Variants in XRCC1 observed in about 807,000 individuals in gnomAD.
The protein encoded by XRCC1 is DNA repair protein XRCC1.
XRCC1 carries 52 observed loss-of-function variants against 83.3 expected under a neutral mutation model. The observed-to-expected ratio is 0.62, with a 90% CI of 0.50 to 0.79. The LOEUF is 0.79. XRCC1 is among the 30% of genes least tolerant of loss of function. The pLI is 0.00. For missense variants in XRCC1, 793 were observed against 823.5 expected (o/e 0.96, Z 0.45); for synonymous variants, 281 against 312.6 (o/e 0.90, Z 1.07).
intron 10 of XRCC1, among the ~76,000 whole-genome samples, chr19:43,548,520 A>G (rs1048272299): frequency 8.2e-6 from 1 of 122,146 alleles, no homozygotes; most frequent in Non-Finnish European, 1.8e-5. Flanking sequence ...ACTCAGGGTT[A>G]AATGGATTAA....
At chr19:43,560,516 G>C (rs527610547) in intron 3 of XRCC1, among the ~76,000 whole-genome samples, 1 of 152,256 alleles carries the variant, frequency 6.6e-6, no homozygotes, top group African/African-American at 2.4e-5. Context: ...TGAAGGAAGG[G>C]TCACAAGCTG....
chr19:43,561,099 T>C, intron 2 of XRCC1, 79 bp from the exon 3 acceptor site: 2 of 1,138,136 alleles, frequency 1.8e-6, no homozygotes, highest in East Asian at 4.7e-5. Context: ...TGAATCTCCT[T>C]TGGATCACCA....
rs1254892297 is a variant in XRCC1, at chr19:43,552,815, C to G, written c.805G>C (p.Val269Leu). 3 of 1,610,286 alleles carry G rather than the reference C, an allele frequency of 1.9e-6. No individual in the cohort carries two copies. The highest frequency in any genetic ancestry group is 2.5e-6 in the Non-Finnish European group (3 of 1,178,542). ...SKPPAQLSPS[V>L]PKRPKLPAPT... ...AGCTCACATTTAGGTCTCTTGGGAA[C>G]AGATGGCGACAGCTGGGCTGGTGGT... Residue 269 changes from valine (V) to leucine (L), a missense_variant, in exon 8 of 17, where the codon GTT (valine) becomes CTT (leucine). By Grantham distance (32) the Val-to-Leu change is conservative. Transcript: ENST00000262887.
chr19:43,548,097 C>G (rs13344947), intron 10 of XRCC1, among the ~76,000 whole-genome samples: 3,026 of 50,638 alleles, frequency 0.06, no homozygotes, highest in African/African-American at 0.075. Flanking sequence ...CCGCCCCATC[C>G]GGGAGGGAGG....
At chr19:43,549,884 T>C (rs899996586) in intron 10 of XRCC1, among the ~76,000 whole-genome samples, 13 of 152,178 alleles carry the variant, frequency 8.5e-5, no homozygotes, top group Non-Finnish European at 1.8e-4. Flanking sequence ...ACACTGTTTG[T>C]CTTTTTCCCT....
Position 43,551,762 on chromosome 19 carries a change from G to C in XRCC1, c.1083-75C>G, listed in dbSNP as rs935284344. 8 of 1,183,740 alleles carry C rather than the reference G, an allele frequency of 6.8e-6. No homozygotes were observed. In the East Asian group the frequency reaches 1.9e-4, roughly 28 times the overall value. 73.3% of individuals were successfully genotyped at this position (1,183,740 alleles called of 1,614,324 possible). A position where few individuals can be genotyped will look rare whatever the true frequency, so the allele number is the denominator to read the frequency against. ...AAAGGGGAACGAGACAGGGGAGACA[G>C]ACAGAGAGAGAGAGAGACAGACAGA... On this transcript the variant is annotated intron_variant, in intron 9 of 16. Transcript: ENST00000262887.
chr19:43,572,631 G>A (rs1160058209), intron 2 of XRCC1, among the ~76,000 whole-genome samples: 1 of 152,172 alleles, frequency 6.6e-6, no homozygotes, highest in African/African-American at 2.4e-5. Context: ...CCTGAGGTCA[G>A]GAGTTCAAGA....
At position 43,546,923 on chromosome 19, in the gene XRCC1, G is replaced by A. The variant is rs2293035; in HGVS notation, c.1254C>T (p.Ser418=). 3.1e-4 allele frequency: 508 copies of A among 1,613,958 alleles called. 3 individuals are homozygous for A. In the East Asian group the frequency reaches 8.7e-3, roughly 28 times the overall value. The change falls in exon 11 of 17, where the codon AGC becomes AGT. Residue 418 remains serine, a synonymous_variant. Coordinates refer to ENST00000262887, the MANE Select transcript of XRCC1 (RefSeq NM_006297.3). ...TGGGGGCTTCATCTCCGCTGCCACCGCTGTGAGAGGCCTCATCCTCCTCAC... is the reference window on the plus strand; with the variant it reads ...TGGGGGCTTCATCTCCGCTGCCACCACTGTGAGAGGCCTCATCCTCCTCAC... The part of the protein sequence containing the change: ...SSSEEDEASH[S]GGSGDEAPKL...
intron 6 of XRCC1, 106 bp downstream of exon 6, chr19:43,553,295 C>G (rs1568514058): frequency 4.5e-6 from 6 of 1,347,324 alleles, no homozygotes; most frequent in East Asian, 2.4e-5. Context: ...CTCCACTACC[C>G]TCCTCCCTCA....
At chr19:43,551,768 G>T (rs201887346) in intron 9 of XRCC1, 81 bp from the exon 10 acceptor site, 1 of 1,131,104 alleles carries the variant, frequency 8.8e-7, no homozygotes, top group Non-Finnish European at 1.3e-6. Flanking sequence ...GACAGACAGA[G>T]AGAGAGAGAG....
rs1261966405 is a variant in XRCC1 at position 43,554,634 on chromosome 19, C to T, written c.414+12G>A. The stretch of plus-strand genomic sequence containing the variant: ...ACCAAGGACTCTGCACCCTGGCTCC[C>T]ACCCTAGGTACCTTGCTGTAGGGCT... On this transcript the variant is annotated intron_variant, in intron 4 of 16. Transcript: ENST00000262887. The T allele has an allele frequency of 6.2e-7, 1 of 1,602,932 alleles. No individual in the cohort carries two copies. Among genetic ancestry groups the T allele is most frequent in the African/African-American group, 1.3e-5 (1 of 74,606 alleles).
At chr19:43,573,333 G>A (rs750893832) in intron 2 of XRCC1, among the ~76,000 whole-genome samples, 1 of 152,140 alleles carries the variant, frequency 6.6e-6, no homozygotes, top group East Asian at 1.9e-4. Context: ...CCTGGCAAAT[G>A]TTCTCATGGC....
chr19:43,559,514 A>G (rs1331696660), intron 3 of XRCC1, among the ~76,000 whole-genome samples: 2 of 151,690 alleles, frequency 1.3e-5, no homozygotes, highest in African/African-American at 4.8e-5. Context: ...GATACAGAAA[A>G]AATAAACCTT....
intron 12 of XRCC1, among the ~76,000 whole-genome samples, 177 bp from the exon 13 acceptor site, chr19:43,546,283 C>T (rs1286965819): frequency 6.6e-6 from 1 of 151,792 alleles, no homozygotes. Flanking sequence ...GGCCCCAGCC[C>T]CTCCTCCCTC....
At chr19:43,557,065 T>C (rs1364245134) in intron 3 of XRCC1, among the ~76,000 whole-genome samples, 2 of 151,730 alleles carry the variant, frequency 1.3e-5, no homozygotes, top group African/African-American at 4.8e-5. Context: ...TCCCAGCACT[T>C]TGGGAGGCCA....
At position 43,545,924 on chromosome 19, in the gene XRCC1, A is replaced by G. The variant is rs773481172; in HGVS notation, c.1515T>C (p.Pro505=). 1 of 1,613,792 alleles carries G rather than the reference A, an allele frequency of 6.2e-7. No homozygotes were observed. Among genetic ancestry groups the G allele is most frequent in the African/African-American group, 1.3e-5 (1 of 74,856 alleles). The change falls in exon 14 of 17, where the codon CCT becomes CCC. Residue 505 remains proline, a synonymous_variant. Coordinates refer to ENST00000262887, the MANE Select transcript of XRCC1 (RefSeq NM_006297.3). ...VAEQKEHRLP[P]GQEENGEDPY... is the part of the protein sequence containing the mutation. ...GGTCTTCCCCATTCTCCTCCTGGCC[A>G]GGGGGCAGTCTGTGTTCCTTCTGCT...
chr19:43,549,803 G>A (rs1364076657), intron 10 of XRCC1, among the ~76,000 whole-genome samples: 4 of 152,062 alleles, frequency 2.6e-5, no homozygotes, highest in Admixed American at 6.6e-5. Flanking sequence ...TTATAAATGA[G>A]TACAAGCCAG....
intron 2 of XRCC1, among the ~76,000 whole-genome samples, chr19:43,562,108 T>C (rs947095797): frequency 2.1e-4 from 30 of 140,264 alleles, no homozygotes; most frequent in Admixed American, 3.1e-4. Context: ...ATCATGCCAC[T>C]GCACTCCAGC....
At chr19:43,555,074 C>A (rs1005072415) in intron 3 of XRCC1, 8 of 295,626 alleles carry the variant, frequency 2.7e-5, no homozygotes, top group Non-Finnish European at 4.4e-5. Flanking sequence ...GGCAATACAG[C>A]GGGCTACATG....
Sources: allele counts gnomAD v4.1 joint callset (sites outside exome capture counted in the v4.1 genomes callset), GRCh38; gene constraint gnomAD v4.1.1; transcripts MANE v1.5; gene names NCBI Gene and HGNC (gene_info 2026-07-23, HGNC 2026-07-21).